The following GALNTL6 variants were observed in gnomAD, a reference collection of about 807,000 sequenced individuals.
GALNTL6 encodes polypeptide N-acetylgalactosaminyltransferase like 6, also known as polypeptide N-acetylgalactosaminyltransferase-like 6.
Under a neutral mutation model 73.7 loss-of-function variants are expected in GALNTL6, and 46 were observed. That is an observed-to-expected ratio of 0.62 (90% CI 0.49 to 0.80). The LOEUF is 0.80. Ranked by LOEUF, GALNTL6 falls within the 30% of genes least tolerant of loss-of-function variation. The pLI is 0.00. For missense variants in GALNTL6, 604 were observed against 755.0 expected (o/e 0.80, Z 2.34); for synonymous variants, 259 against 263.7 (o/e 0.98, Z 0.17).
chr4:172,308,394 T>A (rs1196742502), intron 3 of GALNTL6, among the ~76,000 whole-genome samples: 5 of 151,960 alleles, frequency 3.3e-5, no homozygotes, highest in Non-Finnish European at 5.9e-5. Flanking sequence ...TGGGCATCCT[T>A]GTTTTTTTCC....
intron 5 of GALNTL6, among the ~76,000 whole-genome samples, chr4:172,405,506 C>A (rs1034692710): frequency 1.8e-4 from 26 of 145,086 alleles, no homozygotes; most frequent in Non-Finnish European, 3.6e-4. Context: ...TAAGCTCCTG[C>A]TAGACAAACA....
chr4:172,536,027 T>TAGTGAGTTCTCATGAG, intron 5 of GALNTL6, among the ~76,000 whole-genome samples: 1 of 152,276 alleles, frequency 6.6e-6, no homozygotes, highest in East Asian at 1.9e-4. Context: ...GTTCTCATGA[T>TAGTGAGTTCTCATGAG]AGTGAGTTCT....
At chr4:172,109,642 T>C (rs1732794640) in intron 2 of GALNTL6, among the ~76,000 whole-genome samples, 1 of 152,228 alleles carries the variant, frequency 6.6e-6, no homozygotes, top group Non-Finnish European at 1.5e-5. Context: ...AGCAATTGCC[T>C]TTCAGTTATG....
intron 2 of GALNTL6, among the ~76,000 whole-genome samples, chr4:171,947,360 G>A (rs1413530447): frequency 6.6e-6 from 1 of 152,124 alleles, no homozygotes; most frequent in Non-Finnish European, 1.5e-5. Flanking sequence ...TAGGTTGTAA[G>A]GGAAGAAACA....
At chr4:171,925,818 T>C (rs1269528036) in intron 2 of GALNTL6, among the ~76,000 whole-genome samples, 1 of 152,154 alleles carries the variant, frequency 6.6e-6, no homozygotes, top group Non-Finnish European at 1.5e-5. Flanking sequence ...CTACTTTTAC[T>C]TAAAAATAAA....
intron 2 of GALNTL6, among the ~76,000 whole-genome samples, chr4:172,078,542 T>C (rs1002300860): frequency 6.6e-6 from 1 of 152,186 alleles, no homozygotes; most frequent in African/African-American, 2.4e-5. Flanking sequence ...GTAAACTAAA[T>C]TCAACCAGCC....
intron 2 of GALNTL6, among the ~76,000 whole-genome samples, chr4:171,934,997 C>A (rs1338621086): frequency 6.6e-6 from 1 of 152,194 alleles, no homozygotes; most frequent in Admixed American, 6.5e-5. Flanking sequence ...ACCCTTGAAG[C>A]ATTGTCTAGT....
intron 5 of GALNTL6, among the ~76,000 whole-genome samples, chr4:172,594,261 C>G (rs578174398): frequency 1.4e-4 from 22 of 152,214 alleles, no homozygotes; most frequent in Admixed American, 1.2e-3. Context: ...CAGAGAACTG[C>G]TTGAACCCAG....
At chr4:172,769,088 A>G (rs1384618900) in intron 5 of GALNTL6, among the ~76,000 whole-genome samples, 2 of 152,014 alleles carry the variant, frequency 1.3e-5, no homozygotes, top group Non-Finnish European at 2.9e-5. Flanking sequence ...AACTTTTTAA[A>G]CTATAAGTAT....
chr4:172,101,896 A>C (rs1732530286), intron 2 of GALNTL6, among the ~76,000 whole-genome samples: 1 of 152,096 alleles, frequency 6.6e-6, no homozygotes, highest in African/African-American at 2.4e-5. Flanking sequence ...AAAAAATCAA[A>C]ACCAGGTTTA....
chr4:172,158,461 A>G (rs552779495), intron 2 of GALNTL6, among the ~76,000 whole-genome samples: 78 of 152,134 alleles, frequency 5.1e-4, no homozygotes, highest in African/African-American at 1.8e-3. Flanking sequence ...TTTCCATATC[A>G]AACTGTAGTT....
At position 172,465,254 on chromosome 4, in the gene GALNTL6, G is replaced by T. The variant is rs544838769; in HGVS notation, c.553+116565G>T. Among the ~76,000 whole-genome samples, 258 of 152,240 alleles carry T rather than the reference G, an allele frequency of 1.7e-3. 1 individual carries two copies. Among genetic ancestry groups the T allele is most frequent in the Admixed American group, 0.013 (198 of 15,298 alleles). Reference sequence around the variant, plus strand: ...GCACTTGGGGAGGCCGAGGCAGGTGGATCACGAGGTCAGGAGATCCAGACC... The same window carrying T: ...GCACTTGGGGAGGCCGAGGCAGGTGTATCACGAGGTCAGGAGATCCAGACC... On this transcript the variant is annotated intron_variant, in intron 5 of 12. Transcript: ENST00000506823.
intron 2 of GALNTL6, among the ~76,000 whole-genome samples, chr4:171,825,122 G>T (rs1734789071): frequency 6.6e-6 from 1 of 152,092 alleles, no homozygotes; most frequent in South Asian, 2.1e-4. Context: ...AATCAGTCTA[G>T]TTGCCAAAGA....
chr4:172,559,384 T>C (rs1042083086), intron 5 of GALNTL6, among the ~76,000 whole-genome samples: 1 of 152,100 alleles, frequency 6.6e-6, no homozygotes, highest in African/African-American at 2.4e-5. Flanking sequence ...AATTAAGTCA[T>C]AGAATTTTAT....
At chr4:172,534,205 A>G (rs747425599) in intron 5 of GALNTL6, among the ~76,000 whole-genome samples, 2 of 152,162 alleles carry the variant, frequency 1.3e-5, no homozygotes, top group Admixed American at 1.3e-4. Flanking sequence ...CCCAGCAAGT[A>G]TTACTGGAAG....
chr4:172,774,451 A>AC (rs1738956581), intron 5 of GALNTL6, among the ~76,000 whole-genome samples: 1 of 152,208 alleles, frequency 6.6e-6, no homozygotes, highest in Non-Finnish European at 1.5e-5. Context: ...ATTAAAATCA[A>AC]CCCTACAATG....
intron 3 of GALNTL6, among the ~76,000 whole-genome samples, chr4:172,295,640 T>C (rs1486924664): frequency 1.3e-5 from 2 of 148,202 alleles, no homozygotes; most frequent in Non-Finnish European, 3.0e-5. Flanking sequence ...TCATTAATAC[T>C]GCCTTGGATT....
chr4:171,907,664 C>CA (rs1219251755), intron 2 of GALNTL6, among the ~76,000 whole-genome samples: 1 of 151,380 alleles, frequency 6.6e-6, no homozygotes, highest in East Asian at 1.9e-4. Context: ...CATATGGAAC[C>CA]AAAAAAGAGC....
At chr4:172,731,928 G>C (rs1432035058) in intron 5 of GALNTL6, among the ~76,000 whole-genome samples, 1 of 151,972 alleles carries the variant, frequency 6.6e-6, no homozygotes, top group African/African-American at 2.4e-5. Context: ...CTAGTTTTCA[G>C]AATTTGCACA....
Sources: gnomAD v4.1 joint callset for allele counts (sites outside exome capture counted in the v4.1 genomes callset) on GRCh38, gnomAD v4.1.1 for gene constraint, MANE v1.5 for transcripts, NCBI Gene and HGNC (gene_info 2026-07-23, HGNC 2026-07-21) for gene names.